The following DLG2 variants were observed in gnomAD, a reference collection of about 807,000 sequenced individuals.
DLG2 encodes disks large homolog 2.
A neutral mutation model predicts 132.5 loss-of-function variants in DLG2; 45 were observed. The observed-to-expected ratio is 0.34, with a 90% CI of 0.27 to 0.44. The LOEUF (loss-of-function observed/expected upper bound fraction) is 0.44. Among genes scored for constraint, DLG2 ranks in the 20% least tolerant of loss-of-function variants. The probability of loss-of-function intolerance (pLI) is 1.00; values close to 1 mark genes in which losing one functional copy is unlikely to be tolerated. For synonymous variants in DLG2, 424 were observed against 419.6 expected, an observed-to-expected ratio of 1.01 and a Z score of -0.13; for missense variants, 1,045 against 1,196.9, an observed-to-expected ratio of 0.87 and a Z score of 1.87.
chr11:84,274,885 C>T (rs1043259580), intron 7 of DLG2, among the ~76,000 whole-genome samples: 2 of 152,210 alleles, frequency 1.3e-5, no homozygotes, highest in Non-Finnish European at 2.9e-5. Flanking sequence ...CACAGTCCCT[C>T]CTCTGCCTTC....
At chr11:84,846,493 C>G (rs2081492676) in intron 6 of DLG2, among the ~76,000 whole-genome samples, 4 of 152,142 alleles carry the variant, frequency 2.6e-5, no homozygotes, top group Admixed American at 2.6e-4. Context: ...CTCTCTATCT[C>G]CATTGTTTCT....
intron 5 of DLG2, among the ~76,000 whole-genome samples, chr11:85,139,146 C>T (rs192122032): frequency 6.7e-4 from 102 of 152,220 alleles, no homozygotes; most frequent in African/African-American, 2.3e-3. Context: ...TTATTTCCTC[C>T]ATATGATTAT....
intron 8 of DLG2, among the ~76,000 whole-genome samples, chr11:84,192,129 A>G (rs2096421509): frequency 6.6e-6 from 1 of 152,212 alleles, no homozygotes; most frequent in African/African-American, 2.4e-5. Flanking sequence ...TGTGATACAG[A>G]AGATAAGGAA....
chr11:85,295,059 C>A (rs1232420900), intron 3 of DLG2, among the ~76,000 whole-genome samples: 4 of 152,080 alleles, frequency 2.6e-5, no homozygotes, highest in Non-Finnish European at 4.4e-5. Context: ...AATCAGCTAC[C>A]TTTTATCTTA....
chr11:85,460,319 A>C (rs1164864874), intron 3 of DLG2, among the ~76,000 whole-genome samples: 1 of 152,236 alleles, frequency 6.6e-6, no homozygotes, highest in Non-Finnish European at 1.5e-5. Context: ...AGCTCTGCCC[A>C]GACTCCACAC....
intron 6 of DLG2, among the ~76,000 whole-genome samples, chr11:85,105,762 G>A (rs1002732242): frequency 3.9e-5 from 6 of 151,936 alleles, no homozygotes; most frequent in African/African-American, 1.4e-4. Context: ...TCTTTCGAAA[G>A]ACAACTCTTC....
At chr11:83,812,960 C>G (rs1323046396) in intron 17 of DLG2, among the ~76,000 whole-genome samples, 5 of 152,260 alleles carry the variant, frequency 3.3e-5, no homozygotes, top group South Asian at 2.1e-4. Context: ...GTGGCACTGT[C>G]AAAGAAGGCA....
chr11:85,595,270 A>G lies in DLG2; in HGVS notation c.40+3387T>C, dbSNP rs533590953. 1.8e-3 allele frequency among the ~76,000 whole-genome samples: 274 copies of G among 152,060 alleles called. 2 individuals carry two copies. The highest frequency in any genetic ancestry group is 6.3e-3 in the African/African-American group (261 of 41,492). ...AATGTGCAGCTTCTAGTATATTGCC[A>G]TTTTAGGTTTGTTTTGTTTTGGAAT... On this transcript the variant is annotated intron_variant, in intron 3 of 27. Coordinates refer to ENST00000376104, the MANE Select transcript of DLG2 (RefSeq NM_001142699.3).
intron 6 of DLG2, among the ~76,000 whole-genome samples, chr11:84,610,845 T>C (rs562849913): frequency 7.9e-5 from 12 of 152,134 alleles, no homozygotes; most frequent in Middle Eastern, 6.8e-3. Flanking sequence ...TTCCACCTTT[T>C]CTCCCTCTGG....
At chr11:84,466,833 G>A (rs1413345754) in intron 7 of DLG2, among the ~76,000 whole-genome samples, 1 of 151,228 alleles carries the variant, frequency 6.6e-6, no homozygotes, top group African/African-American at 2.4e-5. Flanking sequence ...TGTTATTTGT[G>A]ACAGTATTTG....
rs922646894 is a variant in DLG2 at position 85,369,413 on chromosome 11, T to G, written c.41-84048A>C. ...ATAAGAGGTTCTTCCCCAGGCATTT[T>G]TAAACTGTTTTTTTTTTCTTCCCCT... On this transcript the variant is annotated intron_variant, in intron 3 of 27. Transcript: ENST00000376104. Among the ~76,000 whole-genome samples, 4 of 152,022 alleles carry G rather than the reference T, an allele frequency of 2.6e-5. No homozygotes were observed. In the South Asian group the frequency reaches 8.3e-4, roughly 32 times the overall value.
rs375698687 is a variant in DLG2, at chr11:84,816,643, C to T, written c.358-281912G>A. On this transcript the variant is annotated intron_variant, in intron 6 of 27. Coordinates refer to ENST00000376104, the MANE Select transcript of DLG2 (RefSeq NM_001142699.3). ...AGCCCTGCAAGAAAGCTGTTATTAC[C>T]CTCACTTCACTAAGAAGGAAACAGA... Among the ~76,000 whole-genome samples, 15 of 151,866 alleles carry T rather than the reference C, an allele frequency of 9.9e-5. No homozygotes were observed. In the East Asian group the frequency reaches 1.2e-3, roughly 12 times the overall value.
chr11:84,608,967 T>C (rs966360195), intron 6 of DLG2, among the ~76,000 whole-genome samples: 3 of 152,192 alleles, frequency 2.0e-5, no homozygotes, highest in African/African-American at 4.8e-5. Flanking sequence ...CACAGGGCCA[T>C]AGATTTAGTA....
At position 84,365,421 on chromosome 11, in the gene DLG2, G is replaced by A. The variant is rs538662099; in HGVS notation, c.520-114130C>T. Reference sequence around the variant, plus strand: ...TCTCTCTTTTTTTTTAATTAGTCTTGCTAGCGGTCTATCAATTTTGTTGAT... The same window carrying A: ...TCTCTCTTTTTTTTTAATTAGTCTTACTAGCGGTCTATCAATTTTGTTGAT... On this transcript the variant is annotated intron_variant, in intron 7 of 27. Transcript: ENST00000376104. 1.8e-4 allele frequency among the ~76,000 whole-genome samples: 27 copies of A among 150,794 alleles called. No individual in the cohort carries two copies. In the East Asian group the frequency reaches 5.1e-3, roughly 28 times the overall value.
At chr11:83,618,851 A>T (rs1016330666) in intron 19 of DLG2, among the ~76,000 whole-genome samples, 3 of 152,146 alleles carry the variant, frequency 2.0e-5, no homozygotes, top group Non-Finnish European at 2.9e-5. Flanking sequence ...TAGCTTCTCA[A>T]ATCTCCCCTA....
intron 7 of DLG2, among the ~76,000 whole-genome samples, chr11:84,506,364 C>T (rs2099241021): frequency 6.6e-6 from 1 of 151,724 alleles, no homozygotes; most frequent in Non-Finnish European, 1.5e-5. Context: ...CGTGAGCCAC[C>T]GCGCCCGGCC....
intron 6 of DLG2, among the ~76,000 whole-genome samples, chr11:85,042,439 C>G (rs1041766112): frequency 2.6e-5 from 4 of 151,918 alleles, no homozygotes; most frequent in Non-Finnish European, 5.9e-5. Context: ...CTTGCAACAT[C>G]CAATTTTCCA....
intron 2 of DLG2, among the ~76,000 whole-genome samples, chr11:85,599,199 C>T (rs2079982803): frequency 6.6e-6 from 1 of 152,102 alleles, no homozygotes; most frequent in African/African-American, 2.4e-5. Context: ...ATATAGTCCA[C>T]ACTCTCCAAA....
At chr11:84,194,051 C>T (rs1056840579) in intron 8 of DLG2, among the ~76,000 whole-genome samples, 20 of 152,170 alleles carry the variant, frequency 1.3e-4, no homozygotes, top group Admixed American at 1.3e-3. Context: ...ATTCTTCATC[C>T]TATTTCACCT....
Sources: allele counts gnomAD v4.1 joint callset (sites outside exome capture counted in the v4.1 genomes callset), GRCh38; gene constraint gnomAD v4.1.1; transcripts MANE v1.5; gene names NCBI Gene and HGNC (gene_info 2026-07-23, HGNC 2026-07-21).